The following ASTN2 variants were observed in gnomAD, a reference collection of about 807,000 sequenced individuals.
ASTN2 encodes the protein astrotactin-2.
Under a neutral mutation model 139.8 loss-of-function variants are expected in ASTN2, and 54 were observed. The ratio of observed to expected loss-of-function variants is 0.39; its 90% CI spans 0.31 to 0.48. ASTN2 has a LOEUF of 0.48. Ranked by LOEUF, ASTN2 falls within the 20% of genes least tolerant of loss-of-function variation. The pLI is 0.95. For synonymous variants in ASTN2, 756 were observed against 719.5 expected (o/e 1.05, Z -0.81); for missense variants, 1,565 against 1,725.1 (o/e 0.91, Z 1.64).
intron 11 of ASTN2, among the ~76,000 whole-genome samples, chr9:116,839,941 T>C (rs1329476314): frequency 6.9e-6 from 1 of 145,616 alleles, no homozygotes; most frequent in East Asian, 2.1e-4. Flanking sequence ...TTTGGCAGGG[T>C]CACAGGACAA....
chr9:116,595,718 T>C (rs1281799200), intron 19 of ASTN2, among the ~76,000 whole-genome samples: 1 of 152,122 alleles, frequency 6.6e-6, no homozygotes, highest in Non-Finnish European at 1.5e-5. Context: ...GACAATAGCA[T>C]AATTTACATA....
At chr9:117,316,517 G>A (rs1016858981) in intron 1 of ASTN2, among the ~76,000 whole-genome samples, 4 of 152,110 alleles carry the variant, frequency 2.6e-5, no homozygotes, top group Non-Finnish European at 5.9e-5. Flanking sequence ...ACGGCTCATC[G>A]ACATTGGTGT....
At chr9:116,924,193 G>A (rs1388112319) in intron 10 of ASTN2, among the ~76,000 whole-genome samples, 2 of 151,990 alleles carry the variant, frequency 1.3e-5, no homozygotes, top group East Asian at 1.9e-4. Context: ...AGGATCACCT[G>A]GGGTCAGGAG....
At chr9:117,164,118 A>G (rs1408750364) in intron 3 of ASTN2, among the ~76,000 whole-genome samples, 2 of 152,108 alleles carry the variant, frequency 1.3e-5, no homozygotes, top group East Asian at 1.9e-4. Context: ...TATATTTTCA[A>G]TTAAAACATT....
At chr9:116,918,557 AC>A (rs1834516188) in intron 10 of ASTN2, among the ~76,000 whole-genome samples, 1 of 152,076 alleles carries the variant, frequency 6.6e-6, no homozygotes, top group Non-Finnish European at 1.5e-5. Flanking sequence ...CTTCTTTCAA[AC>A]TTTTTTTTCA....
intron 3 of ASTN2, among the ~76,000 whole-genome samples, chr9:117,159,793 G>A (rs537701369): frequency 4.6e-5 from 7 of 152,114 alleles, no homozygotes; most frequent in African/African-American, 1.2e-4. Context: ...TTTAATCCTC[G>A]ATTCTACTCT....
rs114709146 is a variant in ASTN2 at position 117,248,018 on chromosome 9, G to T, written c.631-33276C>A. On this transcript the variant is annotated intron_variant, in intron 2 of 22. Coordinates refer to ENST00000313400, the MANE Select transcript of ASTN2 (RefSeq NM_001365068.1). The stretch of plus-strand genomic sequence containing the variant: ...GCCTCCAACAGACAATGAAAATGAG[G>T]CCCAGAGGTAATCAGGTGTATTCAC... Among the ~76,000 whole-genome samples the T allele has an allele frequency of 4.3e-3, 651 of 152,274 alleles. 3 individuals are homozygous for T. Among genetic ancestry groups the T allele is most frequent in the Non-Finnish European group, 4.9e-3 (330 of 68,010 alleles).
intron 16 of ASTN2, among the ~76,000 whole-genome samples, chr9:116,664,995 G>C (rs10983299): frequency 3.7e-4 from 56 of 152,130 alleles, no homozygotes; most frequent in Admixed American, 3.5e-3. Flanking sequence ...GTGATAATGA[G>C]TTACTTCAAG....
At chr9:116,986,925 A>C (rs1406080553) in intron 7 of ASTN2, among the ~76,000 whole-genome samples, 1 of 152,168 alleles carries the variant, frequency 6.6e-6, no homozygotes, top group East Asian at 1.9e-4. Context: ...GCTTTGCTGG[A>C]TCAGTGGGGA....
intron 10 of ASTN2, among the ~76,000 whole-genome samples, chr9:116,906,524 C>A (rs886178469): frequency 2.0e-5 from 3 of 152,126 alleles, no homozygotes; most frequent in African/African-American, 7.2e-5. Context: ...CTTCCCAACG[C>A]CCATGGAATG....
At chr9:116,633,755 T>C (rs1162736318) in intron 17 of ASTN2, among the ~76,000 whole-genome samples, 3 of 152,164 alleles carry the variant, frequency 2.0e-5, no homozygotes, top group Non-Finnish European at 2.9e-5. Context: ...GTGGGGCTTC[T>C]ATGGGACTAT....
rs557858016 is a variant in ASTN2 at position 117,163,836 on chromosome 9, G to A, written c.1016-22358C>T. On this transcript the variant is annotated intron_variant, in intron 3 of 22. Coordinates refer to ENST00000313400, the MANE Select transcript of ASTN2 (RefSeq NM_001365068.1). ...CATTTTATTGTAGACTTCCACTCTT[G>A]TAACACTTTTCATAGGTGCAATGAT... is the stretch of plus-strand genomic sequence containing the variant. Among the ~76,000 whole-genome samples the A allele has an allele frequency of 2.0e-5, 3 of 151,938 alleles. No individual in the cohort carries two copies. The East Asian group carries it at 5.8e-4, about 30-fold the overall frequency.
chr9:116,625,160 G>A (rs1392807094), intron 17 of ASTN2, among the ~76,000 whole-genome samples: 1 of 152,170 alleles, frequency 6.6e-6, no homozygotes, highest in Non-Finnish European at 1.5e-5. Context: ...GCTGGGCACA[G>A]TGGCTCACAC....
chr9:116,681,753 T>C (rs549567783), intron 16 of ASTN2, among the ~76,000 whole-genome samples: 14 of 152,266 alleles, frequency 9.2e-5, no homozygotes, highest in Middle Eastern at 3.4e-3. Flanking sequence ...TTGACAAAAC[T>C]GAGAATAACA....
intron 2 of ASTN2, among the ~76,000 whole-genome samples, chr9:117,237,412 T>G (rs941608206): frequency 6.6e-6 from 1 of 152,174 alleles, no homozygotes; most frequent in African/African-American, 2.4e-5. Flanking sequence ...TCCAGGACTG[T>G]GGCTGACTGT....
chr9:116,542,238 A>G (rs531498657), intron 19 of ASTN2, among the ~76,000 whole-genome samples: 2 of 152,350 alleles, frequency 1.3e-5, no homozygotes, highest in South Asian at 4.1e-4. Flanking sequence ...TTCTCTTGAT[A>G]CATATTGCTA....
chr9:116,980,483 C>G (rs1352330093), intron 7 of ASTN2, among the ~76,000 whole-genome samples: 2 of 152,130 alleles, frequency 1.3e-5, no homozygotes, highest in African/African-American at 4.8e-5. Context: ...ACTATCACCC[C>G]TAACTCCTTA....
At chr9:116,447,017 C>T (rs1453593526) in intron 20 of ASTN2, among the ~76,000 whole-genome samples, 1 of 152,184 alleles carries the variant, frequency 6.6e-6, no homozygotes, top group East Asian at 1.9e-4. Context: ...TTGGAACCCC[C>T]TCATTTGAGC....
chr9:117,117,367 A>AG (rs750403767), intron 4 of ASTN2, among the ~76,000 whole-genome samples: 2 of 111,178 alleles, frequency 1.8e-5, no homozygotes, highest in Admixed American at 9.3e-5. Context: ...AGCAAAGTGG[A>AG]GAAAAAAAAA....
Sources: gnomAD v4.1 joint callset for allele counts (sites outside exome capture counted in the v4.1 genomes callset) on GRCh38, gnomAD v4.1.1 for gene constraint, MANE v1.5 for transcripts, NCBI Gene and HGNC (gene_info 2026-07-23, HGNC 2026-07-21) for gene names.